VHL: variants seen among roughly 807,000 people sequenced by gnomAD.
VHL encodes von Hippel-Lindau tumor suppressor.
A neutral mutation model predicts 19.2 loss-of-function variants in VHL; 10 were observed. The ratio of observed to expected loss-of-function variants is 0.52; its 90% CI spans 0.32 to 0.89. The LOEUF (loss-of-function observed/expected upper bound fraction) is 0.89, where lower values mean the gene tolerates loss of function less well. Ranked by LOEUF, VHL falls within the 40% of genes least tolerant of loss-of-function variation. The pLI is 0.03. For synonymous variants in VHL, 167 were observed against 129.5 expected, an observed-to-expected ratio of 1.29 and a Z score of -1.97; for missense variants, 328 against 292.7, an observed-to-expected ratio of 1.12 and a Z score of -0.88.
rs1171652681 is a variant in VHL at position 10,153,541 on chromosome 3, C to T, written c.*3576C>T. 7.3e-5 allele frequency among the ~76,000 whole-genome samples: 11 copies of T among 151,612 alleles called. No homozygotes were observed. Among genetic ancestry groups the T allele is most frequent in the South Asian group, 2.1e-4 (1 of 4,816 alleles). On this transcript the variant is annotated 3_prime_UTR_variant, in exon 3 of 3. Coordinates refer to ENST00000256474, the MANE Select transcript of VHL (RefSeq NM_000551.4). Reference sequence around the variant, plus strand: ...CATGAATAATGTTTGTTTTTCATTTCGAATCTTGTGAATGTATTAAATATA... The same window carrying T: ...CATGAATAATGTTTGTTTTTCATTTTGAATCTTGTGAATGTATTAAATATA...
At chr3:10,145,680 T>TG (rs1346242891) in intron 1 of VHL, among the ~76,000 whole-genome samples, 5 of 137,816 alleles carry the variant, frequency 3.6e-5, no homozygotes, top group African/African-American at 1.4e-4. Context: ...CACTCCAGCC[T>TG]GGGCGACAGA....
intron 1 of VHL, among the ~76,000 whole-genome samples, chr3:10,143,386 C>T (rs768483736): frequency 9.2e-5 from 14 of 152,184 alleles, no homozygotes; most frequent in Non-Finnish European, 1.9e-4. Flanking sequence ...GCCTTGGCCT[C>T]CCAAAGTGCT....
chr3:10,147,464 A>C (rs1696290376), intron 2 of VHL, among the ~76,000 whole-genome samples: 2 of 151,276 alleles, frequency 1.3e-5, no homozygotes, highest in Admixed American at 1.3e-4. Context: ...TCCTGGGTTC[A>C]AGTGATTCTC....
Sources: gnomAD v4.1 joint callset for allele counts (sites outside exome capture counted in the v4.1 genomes callset) on GRCh38, gnomAD v4.1.1 for gene constraint, MANE v1.5 for transcripts, NCBI Gene and HGNC (gene_info 2026-07-23, HGNC 2026-07-21) for gene names.